The following ZBTB37 variants were observed in gnomAD, a reference collection of about 807,000 sequenced individuals.
ZBTB37 encodes zinc finger and BTB domain containing 37, also known as zinc finger and BTB domain-containing protein 37.
ZBTB37 carries 15 observed loss-of-function variants against 37.7 expected under a neutral mutation model. That is an observed-to-expected ratio of 0.40 (90% confidence interval 0.27 to 0.61). ZBTB37 has a LOEUF of 0.61. Ranked by LOEUF, ZBTB37 falls within the 20% of genes least tolerant of loss-of-function variation. ZBTB37 has a pLI of 0.44. For synonymous variants in ZBTB37, 231 were observed against 220.6 expected (o/e 1.05, Z -0.42); for missense variants, 514 against 641.9 (o/e 0.80, Z 2.15).
intron 4 of ZBTB37, 147 bp from the exon 5 acceptor site, chr1:173,885,489 T>G: frequency 1.4e-6 from 1 of 692,232 alleles, no homozygotes; most frequent in East Asian, 2.8e-5. Context: ...TGGTAATATC[T>G]TTACTTTTTG....
At chr1:173,885,803 G>A in exon 5 of ZBTB37, 6 of 1,551,736 alleles carry the variant, frequency 3.9e-6, no homozygotes, top group Non-Finnish European at 5.2e-6. Flanking sequence ...TACACATGGG[G>A]ATCACACCAT....
At chr1:173,873,789 A>C in intron 4 of ZBTB37, 2 of 620,944 alleles carry the variant, frequency 3.2e-6, no homozygotes, top group Non-Finnish European at 4.9e-6. Context: ...CCAAGCATAG[A>C]TGCAAATATT....
exon 4 of ZBTB37, chr1:173,901,325 A>G (rs1657249379): frequency 6.6e-6 from 1 of 151,786 alleles, no homozygotes; most frequent in Admixed American, 6.6e-5. Context: ...AGCACATTGC[A>G]TTATTTTGTA....
At chr1:173,875,811 T>C (rs1423477280) in intron 4 of ZBTB37, among the ~76,000 whole-genome samples, 1 of 151,948 alleles carries the variant, frequency 6.6e-6, no homozygotes, top group Non-Finnish European at 1.5e-5. Context: ...CGCACTACCA[T>C]GCCCAGCTGA....
intron 4 of ZBTB37, among the ~76,000 whole-genome samples, chr1:173,878,060 C>T (rs1160557953): frequency 6.6e-6 from 1 of 152,216 alleles, no homozygotes; most frequent in Admixed American, 6.5e-5. Flanking sequence ...TAGACTCTCC[C>T]TGTGTCAGAA....
chr1:173,887,411 T>A (rs1656671491), downstream of ZBTB37: 1 of 152,194 alleles, frequency 6.6e-6, no homozygotes, highest in East Asian at 1.9e-4. Flanking sequence ...TCAGAAAACA[T>A]CATGCAGAAT....
At chr1:173,883,229 A>G (rs1009445784) in intron 4 of ZBTB37, among the ~76,000 whole-genome samples, 2 of 152,258 alleles carry the variant, frequency 1.3e-5, no homozygotes, top group African/African-American at 4.8e-5. Context: ...CTGTAATCCC[A>G]GCACTTTGGG....
At chr1:173,886,442 A>G (rs747954972) in exon 5 of ZBTB37, 95 of 316,036 alleles carry the variant, frequency 3.0e-4, no homozygotes, top group Non-Finnish European at 4.8e-4. Context: ...TCATTTATCT[A>G]TCAGTCATGT....
At chr1:173,887,575 G>A (rs1656678274), downstream of ZBTB37, 1 of 152,182 alleles carries the variant, frequency 6.6e-6, no homozygotes, top group Non-Finnish European at 1.5e-5. Context: ...TAGCAAACAT[G>A]TAGAGCTTTG....
chr1:173,870,752 G>A lies in ZBTB37; in HGVS notation c.527G>A (p.Gly176Asp), dbSNP rs752510280. The A allele has an allele frequency of 2.5e-6, 4 of 1,614,212 alleles. No individual in the cohort carries two copies. The South Asian group carries it at 4.4e-5, about 18-fold the overall frequency. Residue 176 changes from glycine to aspartate, a missense_variant, in exon 3 of 5, where the codon GGT (glycine) becomes GAT (aspartate). Gly to Asp is a moderately conservative substitution (Grantham distance 94). This residue lies in a region of ZBTB37 where 323 missense variants were observed against 321.9 expected (regional missense o/e 1.00). Transcript: ENST00000427304. The stretch of plus-strand genomic sequence containing the variant: ...AATACCCCAAAGGGAAACCGGCGAG[G>A]TCAGGTTAGTGCTGTGCTGGATATC...
At chr1:173,878,960 G>A (rs1032923691) in intron 4 of ZBTB37, among the ~76,000 whole-genome samples, 16 of 151,894 alleles carry the variant, frequency 1.1e-4, no homozygotes, top group Non-Finnish European at 2.1e-4. Flanking sequence ...GCATGGTGGC[G>A]GGTGCCTGTA....
intron 4 of ZBTB37, among the ~76,000 whole-genome samples, chr1:173,885,128 G>GGAGGCTGAGGTGGGAGGATCATCT (rs1656552171): frequency 6.6e-6 from 1 of 152,202 alleles, no homozygotes; most frequent in Non-Finnish European, 1.5e-5. Context: ...CAGCTACTCA[G>GGAGGCTGAGGTGGGAGGATCATCT]GAGGCTGAGG....
chr1:173,876,378 C>T (rs1216020162), intron 4 of ZBTB37, among the ~76,000 whole-genome samples: 3 of 151,952 alleles, frequency 2.0e-5, no homozygotes, highest in Non-Finnish European at 2.9e-5. Context: ...AGTGCAGTGG[C>T]GCAGCCTTGG....
downstream of ZBTB37, chr1:173,889,212 C>A (rs1264227535): frequency 1.3e-5 from 2 of 152,246 alleles, no homozygotes; most frequent in Non-Finnish European, 2.9e-5. Context: ...TACCCACATA[C>A]ACTGTGACAT....
At chr1:173,891,600 A>C (rs1656842637), downstream of ZBTB37, 1 of 152,176 alleles carries the variant, frequency 6.6e-6, no homozygotes, top group African/African-American at 2.4e-5. Context: ...CGATGTGGGA[A>C]AAATGGGAAA....
At chr1:173,900,211 C>T (rs776259325) in exon 4 of ZBTB37, 1 of 149,036 alleles carries the variant, frequency 6.7e-6, no homozygotes, top group Non-Finnish European at 1.5e-5. Context: ...TTTCACTTTT[C>T]TTGGATTGTT....
downstream of ZBTB37, chr1:173,889,948 A>G (rs1368413201): frequency 6.6e-6 from 1 of 152,102 alleles, no homozygotes; most frequent in Non-Finnish European, 1.5e-5. Flanking sequence ...GATAGAAAAA[A>G]CTTTTTCCCC....
At chr1:173,877,644 C>T (rs886683542) in intron 4 of ZBTB37, among the ~76,000 whole-genome samples, 1 of 152,030 alleles carries the variant, frequency 6.6e-6, no homozygotes, top group Non-Finnish European at 1.5e-5. Context: ...AATCCCATCA[C>T]TTGGAAGACC....
chr1:173,899,683 A>G (rs911207551), exon 4 of ZBTB37: 9 of 152,172 alleles, frequency 5.9e-5, no homozygotes, highest in African/African-American at 2.2e-4. Context: ...AGGTGATTCT[A>G]ATGTGCAGCC....
Sources: gnomAD v4.1 joint callset for allele counts (sites outside exome capture counted in the v4.1 genomes callset) on GRCh38, gnomAD v4.1.1 for gene constraint, gnomAD v4.1.1 regional missense constraint, MANE v1.5 for transcripts, NCBI Gene and HGNC (gene_info 2026-07-23, HGNC 2026-07-21) for gene names.